MN1: variants seen among roughly 807,000 people sequenced by gnomAD.
The protein encoded by MN1 is MN1 proto-oncogene, transcriptional regulator.
MN1 carries 19 observed loss-of-function variants against 86.9 expected under a neutral mutation model. That is an observed-to-expected ratio of 0.22 (90% CI 0.15 to 0.32). MN1 has a LOEUF of 0.32. Ranked by LOEUF, MN1 falls within the 10% of genes least tolerant of loss-of-function variation. The pLI is 1.00. For missense variants in MN1, 1,841 were observed against 1,862.0 expected, an observed-to-expected ratio of 0.99 and a Z score of 0.21; for synonymous variants, 928 against 849.6, an observed-to-expected ratio of 1.09 and a Z score of -1.60.
intron 1 of MN1, among the ~76,000 whole-genome samples, chr22:27,755,711 C>T (rs1267130072): frequency 3.3e-5 from 5 of 152,200 alleles, no homozygotes; most frequent in Non-Finnish European, 7.3e-5. Context: ...CTGCCCCCTG[C>T]TCACCCCGCT....
intron 1 of MN1, among the ~76,000 whole-genome samples, chr22:27,776,165 T>G (rs1000879775): frequency 1.1e-4 from 17 of 152,072 alleles, no homozygotes; most frequent in Non-Finnish European, 2.5e-4. Context: ...ATTTTCTGAT[T>G]AATTAACCCT....
intron 1 of MN1, among the ~76,000 whole-genome samples, chr22:27,766,145 G>A (rs1932868243): frequency 6.6e-6 from 1 of 152,184 alleles, no homozygotes; most frequent in Non-Finnish European, 1.5e-5. Flanking sequence ...TGCCTTCTCT[G>A]AACTGACATC....
chr22:27,778,722 C>T (rs897895544), intron 1 of MN1, among the ~76,000 whole-genome samples: 1 of 152,160 alleles, frequency 6.6e-6, no homozygotes. Flanking sequence ...AGGTCTGGGA[C>T]GTAAAATCTG....
chr22:27,797,322 C>A lies in MN1; in HGVS notation c.3222G>T (p.Arg1074Ser), dbSNP rs1933316757. Residue 1074 changes from arginine to serine, a missense_variant, in exon 1 of 2, where the codon AGG (arginine) becomes AGT (serine). Coordinates refer to ENST00000302326, the MANE Select transcript of MN1 (RefSeq NM_002430.3). ...TGGGCGAGCCGGTCACCAGGGGACT[C>A]CTGCTCGCTTTAACTAGTGCCTGGG... ...DNPQALVKAS[R>S]SPLVTGSPKL... 1 of 1,603,304 alleles carries A rather than the reference C, an allele frequency of 6.2e-7. No individual in the cohort carries two copies. Among genetic ancestry groups the A allele is most frequent in the East Asian group, 2.2e-5 (1 of 44,866 alleles).
chr22:27,800,068 C>T lies in MN1; in HGVS notation c.476G>A (p.Ser159Asn), dbSNP rs1214513931. The T allele has an allele frequency of 1.3e-6, 2 of 1,599,506 alleles. No individual in the cohort carries two copies. Among genetic ancestry groups the T allele is most frequent in the South Asian group, 2.2e-5 (2 of 90,568 alleles). ...FAEGYEHMAE[S>N]QGPESFGPQR... is the part of the protein sequence containing the mutation. The stretch of plus-strand genomic sequence containing the variant: ...CGGGCCGAAGCTCTCAGGCCCCTGG[C>T]TCTCCGCCATGTGCTCATAGCCCTC... The change falls in exon 1 of 2, where the codon AGC becomes AAC. Residue 159 changes from serine (S) to asparagine (N), a missense_variant. Transcript: ENST00000302326.
rs1932726542 is a variant in MN1 at position 27,748,833 on chromosome 22, T to G, written c.*2082A>C. On this transcript the variant is annotated 3_prime_UTR_variant, in exon 2 of 2. Coordinates refer to ENST00000302326, the MANE Select transcript of MN1 (RefSeq NM_002430.3). ...GTCAAAGACAGAAGTTAAGACACTT[T>G]GCTCCCCGGCCTTAAGCAATTAAGG... is the stretch of plus-strand genomic sequence containing the variant. 1 of 224,748 alleles carries G rather than the reference T, an allele frequency of 4.4e-6. No individual in the cohort carries two copies. The allele number at this position is 224,748 out of a possible 1,614,324, so 13.9% of individuals were successfully genotyped here.
chr22:27,771,180 C>T (rs1328208037), intron 1 of MN1, among the ~76,000 whole-genome samples: 1 of 151,374 alleles, frequency 6.6e-6, no homozygotes, highest in Non-Finnish European at 1.5e-5. Flanking sequence ...CTCTATAACC[C>T]CATGAGCTAA....
chr22:27,760,752 G>A (rs1932829253), intron 1 of MN1, among the ~76,000 whole-genome samples: 1 of 152,202 alleles, frequency 6.6e-6, no homozygotes, highest in East Asian at 1.9e-4. Context: ...CCCTATGCCT[G>A]TGTCCCCTGC....
At chr22:27,787,762 T>G (rs915244556) in intron 1 of MN1, among the ~76,000 whole-genome samples, 1 of 152,148 alleles carries the variant, frequency 6.6e-6, no homozygotes, top group Non-Finnish European at 1.5e-5. Flanking sequence ...GATCTGGGCC[T>G]CAAGGGACCA....
chr22:27,768,869 G>A (rs1932890706), intron 1 of MN1, among the ~76,000 whole-genome samples: 1 of 152,124 alleles, frequency 6.6e-6, no homozygotes, highest in South Asian at 2.1e-4. Context: ...TATTTCAAGT[G>A]TTTGACAGCT....
At chr22:27,752,299 C>T (rs1444834460) in intron 1 of MN1, among the ~76,000 whole-genome samples, 2 of 152,160 alleles carry the variant, frequency 1.3e-5, no homozygotes, top group Non-Finnish European at 2.9e-5. Flanking sequence ...GTTGTCCTCA[C>T]AAGGACAGAA....
intron 1 of MN1, among the ~76,000 whole-genome samples, chr22:27,763,479 G>GT (rs1932848028): frequency 6.6e-6 from 1 of 152,230 alleles, no homozygotes; most frequent in Non-Finnish European, 1.5e-5. Flanking sequence ...CCACTGTTGG[G>GT]TTGTGTGACC....
At chr22:27,793,275 A>G (rs1047516060) in intron 1 of MN1, among the ~76,000 whole-genome samples, 1 of 152,054 alleles carries the variant, frequency 6.6e-6, no homozygotes. Context: ...TGCATTATCT[A>G]TAATCTATCA....
intron 1 of MN1, among the ~76,000 whole-genome samples, chr22:27,784,526 T>C (rs1278439423): frequency 6.6e-6 from 1 of 150,976 alleles, no homozygotes; most frequent in African/African-American, 2.4e-5. Flanking sequence ...TCAATTTTAC[T>C]CTAAAGTTTA....
At chr22:27,753,244 A>G (rs965899462) in intron 1 of MN1, among the ~76,000 whole-genome samples, 1 of 152,172 alleles carries the variant, frequency 6.6e-6, no homozygotes, top group African/African-American at 2.4e-5. Context: ...AATAGGACAG[A>G]CACTATCCCC....
chr22:27,798,882 C>G lies in MN1; in HGVS notation c.1662G>C (p.Ala554=). 6.5e-7 allele frequency: 1 copy of G among 1,548,978 alleles called. No homozygotes were observed. Among genetic ancestry groups the G allele is most frequent in the South Asian group, 1.2e-5 (1 of 84,380 alleles). The change falls in exon 1 of 2, where the codon GCG becomes GCC. Residue 554 remains alanine (A), a synonymous_variant. Transcript: ENST00000302326. ...ACGCCATCTGCTTAATCATGAGGGC[C>G]GCGTTTTGGCGCTGCTGCTGCTGCT... ...QQQQQQQRQN[A]ALMIKQMASR...
intron 1 of MN1, among the ~76,000 whole-genome samples, chr22:27,776,057 C>G (rs1203910201): frequency 6.6e-6 from 1 of 152,058 alleles, no homozygotes; most frequent in Non-Finnish European, 1.5e-5. Context: ...TCAGTTCACC[C>G]AAAAAAAATT....
chr22:27,799,342 G>A lies in MN1; in HGVS notation c.1202C>T (p.Pro401Leu). The change falls in exon 1 of 2, where the codon CCC becomes CTC. Residue 401 changes from proline to leucine, a missense_variant. By Grantham distance (98) the Pro-to-Leu change is moderately conservative (BLOSUM62 -3). Transcript: ENST00000302326. ...ATACTCGAATTGCGCGTGCTGGCTG[G>A]GCAGCATGGGGCCTCCGTCCTGCAG... ...GGLQDGGPML[P>L]SQHAQFEYPI... The A allele has an allele frequency of 1.3e-6, 2 of 1,587,866 alleles. No individual in the cohort carries two copies. The highest frequency in any genetic ancestry group is 8.6e-7 in the Non-Finnish European group (1 of 1,169,046).
rs1401745109 is a variant in MN1 at position 27,750,332 on chromosome 22, T to G, written c.*583A>C. ...ATTCATTGTTTGGCTCCTGCCTGACTGATGACACTGGGGTGTCAATATATA... is the reference window on the plus strand; with the variant it reads ...ATTCATTGTTTGGCTCCTGCCTGACGGATGACACTGGGGTGTCAATATATA... On this transcript the variant is annotated 3_prime_UTR_variant, in exon 2 of 2. Coordinates refer to ENST00000302326, the MANE Select transcript of MN1 (RefSeq NM_002430.3). The G allele has an allele frequency of 1.3e-5, 3 of 231,260 alleles. No individual in the cohort carries two copies. The Admixed American group carries it at 1.7e-4, about 13-fold the overall frequency. 14.3% of individuals were successfully genotyped at this position (231,260 alleles called of 1,614,324 possible). A position where few individuals can be genotyped will look rare whatever the true frequency, so the allele number is the denominator to read the frequency against.
Sources: allele counts gnomAD v4.1 joint callset (sites outside exome capture counted in the v4.1 genomes callset), GRCh38; gene constraint gnomAD v4.1.1; transcripts MANE v1.5; gene names NCBI Gene and HGNC (gene_info 2026-07-23, HGNC 2026-07-21).